ASIC2: variants seen among roughly 807,000 people sequenced by gnomAD.
ASIC2 encodes acid-sensing ion channel 2.
Under a neutral mutation model 57.3 loss-of-function variants are expected in ASIC2, and 25 were observed. That is an observed-to-expected ratio of 0.44 (90% CI 0.32 to 0.61). The LOEUF is 0.61. Ranked by LOEUF, ASIC2 falls within the 20% of genes least tolerant of loss-of-function variation. ASIC2 has a pLI of 0.06. For synonymous variants in ASIC2, 319 were observed against 307.5 expected, an observed-to-expected ratio of 1.04 and a Z score of -0.39; for missense variants, 641 against 738.1, an observed-to-expected ratio of 0.87 and a Z score of 1.52.
intron 1 of ASIC2, among the ~76,000 whole-genome samples, chr17:33,329,989 A>G (rs1907245402): frequency 6.6e-6 from 1 of 152,036 alleles, no homozygotes; most frequent in Admixed American, 6.5e-5. Context: ...TAGATATCCT[A>G]CCTGTCCCTG....
intron 3 of ASIC2, among the ~76,000 whole-genome samples, chr17:33,055,129 C>T (rs2141932567): frequency 6.6e-6 from 1 of 152,294 alleles, no homozygotes; most frequent in Admixed American, 6.5e-5. Context: ...AATGGAGTTA[C>T]ATTCATAGGT....
At chr17:33,294,977 G>A (rs1905666529), upstream of ASIC2, among the ~76,000 whole-genome samples, 1 of 152,212 alleles carries the variant, frequency 6.6e-6, no homozygotes, top group Admixed American at 6.5e-5. Flanking sequence ...AGTGACCCGT[G>A]TCTTGGCCAA....
intron 1 of ASIC2, among the ~76,000 whole-genome samples, chr17:33,579,079 G>A (rs957460913): frequency 1.3e-5 from 2 of 151,548 alleles, no homozygotes; most frequent in African/African-American, 4.9e-5. Flanking sequence ...TGAGGTCAGG[G>A]ATTCAGACCA....
intron 1 of ASIC2, chr17:34,038,619 C>T (rs946482285): frequency 1.9e-6 from 3 of 1,598,156 alleles, no homozygotes; most frequent in African/African-American, 2.7e-5. Flanking sequence ...ATCCTTTTTA[C>T]TTCCCTGATA....
chr17:33,739,881 AAAAGG>A (rs1001906734), intron 1 of ASIC2, among the ~76,000 whole-genome samples: 10 of 151,456 alleles, frequency 6.6e-5, no homozygotes, highest in East Asian at 1.9e-4. Flanking sequence ...AGGAAAAAAG[AAAAGG>A]AAAGAAAAGA....
At chr17:33,652,298 G>T (rs1048045240) in intron 1 of ASIC2, among the ~76,000 whole-genome samples, 1 of 152,166 alleles carries the variant, frequency 6.6e-6, no homozygotes, top group African/African-American at 2.4e-5. Flanking sequence ...TCTGCCTGGA[G>T]ACTCTGATTG....
intron 1 of ASIC2, among the ~76,000 whole-genome samples, chr17:33,776,241 G>A (rs1911274327): frequency 6.6e-6 from 1 of 152,206 alleles, no homozygotes; most frequent in South Asian, 2.1e-4. Flanking sequence ...GGGCCTTTGG[G>A]AGGTGAGTAG....
At position 33,169,352 on chromosome 17, in the gene ASIC2, G is replaced by A. The variant is rs186476346; in HGVS notation, c.709-57285C>T. Among the ~76,000 whole-genome samples, 591 of 152,252 alleles carry A rather than the reference G, an allele frequency of 3.9e-3. 8 individuals are homozygous for A. The highest frequency in any genetic ancestry group is 0.012 in the African/African-American group (479 of 41,540). On this transcript the variant is annotated intron_variant, in intron 1 of 9. Transcript: ENST00000225823. ...TTCCAACTGCTCTCCCATTGTCCAT[G>A]GTGCTTAGACAGCATTTGAACAAAA...
intron 3 of ASIC2, among the ~76,000 whole-genome samples, chr17:33,028,649 T>TAGCTGGGACTACAGGTGGGCACCATCA (rs1303212077): frequency 6.6e-6 from 1 of 152,182 alleles, no homozygotes; most frequent in Non-Finnish European, 1.5e-5. Flanking sequence ...GCCTCTCTAG[T>TAGCTGGGACTACAGGTGGGCACCATCA]AGCTGGGACT....
intron 1 of ASIC2, among the ~76,000 whole-genome samples, chr17:33,535,233 A>G (rs1915188791): frequency 6.6e-6 from 1 of 151,328 alleles, no homozygotes; most frequent in Admixed American, 6.6e-5. Flanking sequence ...CATGTTGACC[A>G]GTTCTTAGCA....
intron 1 of ASIC2, among the ~76,000 whole-genome samples, chr17:33,211,346 T>C (rs1486516165): frequency 2.0e-5 from 3 of 151,998 alleles, no homozygotes; most frequent in Non-Finnish European, 4.4e-5. Flanking sequence ...AAGTCAGCCA[T>C]GGAGGGGGCA....
chr17:33,660,017 G>A (rs1907207062), intron 1 of ASIC2, among the ~76,000 whole-genome samples: 1 of 151,810 alleles, frequency 6.6e-6, no homozygotes, highest in African/African-American at 2.4e-5. Context: ...CCGGGAGGAG[G>A]AGGTTGCAGT....
At chr17:33,775,238 A>G (rs1293687675) in intron 1 of ASIC2, among the ~76,000 whole-genome samples, 1 of 152,154 alleles carries the variant, frequency 6.6e-6, no homozygotes. Flanking sequence ...ACAAATTGGG[A>G]AACAGAGTTC....
chr17:33,314,034 G>T (rs368168935), intron 1 of ASIC2, among the ~76,000 whole-genome samples: 6 of 152,100 alleles, frequency 3.9e-5, no homozygotes, highest in Admixed American at 3.3e-4. Flanking sequence ...TCAAGGTTTT[G>T]CTTCCTCTGT....
chr17:33,559,821 T>G (rs1916017656), intron 1 of ASIC2, among the ~76,000 whole-genome samples: 1 of 151,536 alleles, frequency 6.6e-6, no homozygotes, highest in Non-Finnish European at 1.5e-5. Flanking sequence ...TGCCTTATGA[T>G]AGCTATGTCT....
chr17:33,941,852 T>A (rs936202546), intron 1 of ASIC2, among the ~76,000 whole-genome samples: 1 of 152,158 alleles, frequency 6.6e-6, no homozygotes, highest in African/African-American at 2.4e-5. Flanking sequence ...GGCAGGATGC[T>A]GCTGTGAGCC....
chr17:33,846,714 T>A (rs1341903378), intron 1 of ASIC2, among the ~76,000 whole-genome samples: 1 of 151,790 alleles, frequency 6.6e-6, no homozygotes, highest in Non-Finnish European at 1.5e-5. Flanking sequence ...CAGCTAAGAT[T>A]CTCAGTGATA....
chr17:34,132,406 TGC>T (rs1912008649), intron 1 of ASIC2, among the ~76,000 whole-genome samples: 2 of 151,764 alleles, frequency 1.3e-5, no homozygotes, highest in African/African-American at 4.8e-5. Flanking sequence ...GGGGATGGAG[TGC>T]GAGCCGGGTG....
chr17:34,093,374 T>G (rs1380034958), intron 1 of ASIC2, among the ~76,000 whole-genome samples: 1 of 152,190 alleles, frequency 6.6e-6, no homozygotes, highest in African/African-American at 2.4e-5. Context: ...CTTTGGGAAC[T>G]TTCCCAGGGA....
Sources: allele counts gnomAD v4.1 joint callset (sites outside exome capture counted in the v4.1 genomes callset), GRCh38; gene constraint gnomAD v4.1.1; transcripts MANE v1.5; gene names NCBI Gene and HGNC (gene_info 2026-07-23, HGNC 2026-07-21).